The following CNTN4 variants were observed in gnomAD, a reference collection of about 807,000 sequenced individuals.
CNTN4 encodes the protein contactin 4.
In CNTN4, 77 loss-of-function variants were observed where a neutral mutation model predicts 122.5. The ratio of observed to expected loss-of-function variants is 0.63; its 90% confidence interval spans 0.52 to 0.76. The LOEUF is 0.76. Among genes scored for constraint, CNTN4 ranks in the 30% least tolerant of loss-of-function variants. CNTN4 has a pLI of 0.00. For synonymous variants in CNTN4, 512 were observed against 447.0 expected (o/e 1.15, Z -1.83); for missense variants, 1,256 against 1,259.1 (o/e 1.00, Z 0.04).
chr3:3,045,347 AC>A (rs1242133529), intron 23 of CNTN4, among the ~76,000 whole-genome samples: 1 of 152,036 alleles, frequency 6.6e-6, no homozygotes, highest in African/African-American at 2.4e-5. Context: ...TGGTTCCCTG[AC>A]CCCCGAGTAG....
chr3:2,548,701 A>G (rs1305242056), intron 3 of CNTN4, among the ~76,000 whole-genome samples: 3 of 151,934 alleles, frequency 2.0e-5, no homozygotes, highest in African/African-American at 4.8e-5. Flanking sequence ...AGTTTTTTCT[A>G]ATTTTGTGAA....
intron 6 of CNTN4, among the ~76,000 whole-genome samples, chr3:2,752,408 C>G (rs1559465697): frequency 1.3e-5 from 2 of 152,168 alleles, no homozygotes; most frequent in Non-Finnish European, 2.9e-5. Flanking sequence ...CTCTGTCACC[C>G]AGGCTGCAGT....
At chr3:2,403,294 G>C (rs1298571003) in intron 3 of CNTN4, among the ~76,000 whole-genome samples, 1 of 151,846 alleles carries the variant, frequency 6.6e-6, no homozygotes, top group Non-Finnish European at 1.5e-5. Context: ...TTCCAAAAAA[G>C]GTCACATCCT....
At chr3:2,132,536 C>G (rs1177840624) in intron 2 of CNTN4, 1 of 152,120 alleles carries the variant, frequency 6.6e-6, no homozygotes, top group Non-Finnish European at 1.5e-5. Context: ...ATCCAGAAAG[C>G]AAGGTCTTTC....
chr3:2,206,659 C>G (rs1458307213), intron 2 of CNTN4, among the ~76,000 whole-genome samples: 1 of 151,752 alleles, frequency 6.6e-6, no homozygotes, highest in Non-Finnish European at 1.5e-5. Flanking sequence ...TTGAGACTGA[C>G]TCGAGTAATG....
intron 3 of CNTN4, among the ~76,000 whole-genome samples, chr3:2,397,957 TTCTATTAAAAAA>T (rs1200446043): frequency 6.6e-6 from 1 of 152,134 alleles, no homozygotes; most frequent in Admixed American, 6.5e-5. Context: ...AGTGTATTCA[TTCTATTAAAAAA>T]TGGCTAAATA....
At chr3:2,381,116 C>A (rs2046003082) in intron 3 of CNTN4, among the ~76,000 whole-genome samples, 1 of 152,038 alleles carries the variant, frequency 6.6e-6, no homozygotes, top group Non-Finnish European at 1.5e-5. Context: ...CGCCATTCTC[C>A]TGCCTCAGCC....
At chr3:3,048,060 T>A (rs2125851157) in intron 23 of CNTN4, among the ~76,000 whole-genome samples, 1 of 152,270 alleles carries the variant, frequency 6.6e-6, no homozygotes, top group Non-Finnish European at 1.5e-5. Context: ...GGAGTGGTAC[T>A]GGAAGAGCCA....
intron 7 of CNTN4, among the ~76,000 whole-genome samples, chr3:2,861,228 G>A (rs1341345218): frequency 1.3e-5 from 2 of 152,120 alleles, no homozygotes; most frequent in African/African-American, 4.8e-5. Context: ...CATGTCTCTT[G>A]ACACCAATTC....
At chr3:2,289,080 G>C (rs898865850) in intron 2 of CNTN4, among the ~76,000 whole-genome samples, 1 of 152,148 alleles carries the variant, frequency 6.6e-6, no homozygotes, top group Non-Finnish European at 1.5e-5. Context: ...GCTTAGTATA[G>C]ACTCAAAAGT....
intron 2 of CNTN4, among the ~76,000 whole-genome samples, chr3:2,120,407 T>TA (rs1559261207): frequency 0.015 from 494 of 32,210 alleles, 1 homozygote; most frequent in Non-Finnish European, 0.024. Flanking sequence ...ATATATATAT[T>TA]TTTTTTTTTT....
intron 4 of CNTN4, among the ~76,000 whole-genome samples, chr3:2,717,370 G>A (rs1247453515): frequency 2.0e-5 from 3 of 152,116 alleles, no homozygotes; most frequent in Admixed American, 6.6e-5. Context: ...CCAGCCCCCA[G>A]TGAAAACCCC....
intron 6 of CNTN4, among the ~76,000 whole-genome samples, chr3:2,793,836 C>T (rs1210103569): frequency 6.6e-6 from 1 of 152,172 alleles, no homozygotes; most frequent in Non-Finnish European, 1.5e-5. Context: ...GATTCTGAGA[C>T]ATTAAAAGGG....
chr3:2,914,523 A>G (rs1037908910), intron 12 of CNTN4, among the ~76,000 whole-genome samples: 1 of 152,230 alleles, frequency 6.6e-6, no homozygotes, highest in African/African-American at 2.4e-5. Context: ...TCACTGAAAA[A>G]TTGGATAACC....
At chr3:2,474,290 C>T (rs950538845) in intron 3 of CNTN4, among the ~76,000 whole-genome samples, 9 of 152,178 alleles carry the variant, frequency 5.9e-5, no homozygotes, top group African/African-American at 1.7e-4. Flanking sequence ...CTCTTGCTCA[C>T]GTTCATGCTT....
Position 2,571,430 on chromosome 3 carries a change from A to G in CNTN4, c.-74A>G, listed in dbSNP as rs2079415798. On this transcript the variant is annotated 5_prime_UTR_variant, in exon 4 of 25. Transcript: ENST00000418658. ...CTTTCCCACAGATTAAAGGTTATAC[A>G]AAACTTAAAAGAAGCAGCAATTCTA... 5 of 1,063,270 alleles carry G rather than the reference A, an allele frequency of 4.7e-6. No homozygotes were observed. In the South Asian group the frequency reaches 6.3e-5, roughly 13 times the overall value. The allele number at this position is 1,063,270 out of a possible 1,614,324, so 65.9% of individuals were successfully genotyped here.
chr3:2,889,196 G>C (rs1320410332), intron 10 of CNTN4, among the ~76,000 whole-genome samples: 1 of 152,164 alleles, frequency 6.6e-6, no homozygotes, highest in African/African-American at 2.4e-5. Flanking sequence ...GTGACTCTCA[G>C]CATTTCATTT....
At chr3:2,493,354 G>A (rs982060100) in intron 3 of CNTN4, among the ~76,000 whole-genome samples, 4 of 151,782 alleles carry the variant, frequency 2.6e-5, no homozygotes, top group Admixed American at 1.3e-4. Context: ...CATTCCTCCG[G>A]ACATAAGGTA....
intron 3 of CNTN4, among the ~76,000 whole-genome samples, chr3:2,465,320 A>C (rs554493743): frequency 1.3e-5 from 2 of 152,156 alleles, no homozygotes; most frequent in Non-Finnish European, 2.9e-5. Context: ...CTCTCTTTTA[A>C]AACTTTTAAA....
Sources: gnomAD v4.1 joint callset for allele counts (sites outside exome capture counted in the v4.1 genomes callset) on GRCh38, gnomAD v4.1.1 for gene constraint, MANE v1.5 for transcripts, NCBI Gene and HGNC (gene_info 2026-07-23, HGNC 2026-07-21) for gene names.